Variants in MAP3K9 observed in about 807,000 individuals in gnomAD.
The protein encoded by MAP3K9 is mitogen-activated protein kinase kinase kinase 9, also known as mixed lineage kinase 1 (tyr and ser/thr specificity).
A neutral mutation model predicts 95.8 loss-of-function variants in MAP3K9; 46 were observed. The observed-to-expected ratio is 0.48, with a 90% CI of 0.38 to 0.61. The LOEUF (loss-of-function observed/expected upper bound fraction) is 0.61, where lower values mean the gene tolerates loss of function less well. Among genes scored for constraint, MAP3K9 ranks in the 20% least tolerant of loss-of-function variants. The pLI, the probability that MAP3K9 is intolerant of heterozygous loss-of-function variation, is 0.00. For synonymous variants in MAP3K9, 533 were observed against 593.8 expected, an observed-to-expected ratio of 0.90 and a Z score of 1.49; for missense variants, 1,296 against 1,474.3, an observed-to-expected ratio of 0.88 and a Z score of 1.98.
At chr14:70,794,648 C>T (rs986683286) in intron 2 of MAP3K9, among the ~76,000 whole-genome samples, 2 of 151,410 alleles carry the variant, frequency 1.3e-5, no homozygotes, top group African/African-American at 4.8e-5. Flanking sequence ...GTGTTTTTAC[C>T]CCTGTTTTTC....
intron 2 of MAP3K9, among the ~76,000 whole-genome samples, chr14:70,788,282 A>G (rs1485035854): frequency 2.0e-5 from 3 of 152,208 alleles, no homozygotes; most frequent in Non-Finnish European, 4.4e-5. Context: ...CCAAAAATAT[A>G]ATCACCAATT....
chr14:70,732,433 G>C (rs1024551483), intron 11 of MAP3K9, 106 bp downstream of exon 11: 6 of 1,445,596 alleles, frequency 4.2e-6, no homozygotes, highest in Non-Finnish European at 5.5e-6. Context: ...AGGAGGAATG[G>C]TGTTCACTCA....
chr14:70,724,139 CA>C lies in MAP3K9; in HGVS notation c.*6240del, dbSNP rs1443780506. ...ATGAAGTTCATTCACTTCTGGAATT[CA>C]AACATGTTCCAAAGAGGTTTAAGAG... On this transcript the variant is annotated 3_prime_UTR_variant, in exon 12 of 12. Transcript: ENST00000554752. 10 of 152,174 alleles carry C rather than the reference CA, an allele frequency of 6.6e-5. No homozygotes were observed. Among genetic ancestry groups the C allele is most frequent in the African/African-American group, 2.4e-4 (10 of 41,428 alleles). The allele number at this position is 152,174 out of a possible 1,614,324, so 9.4% of individuals were successfully genotyped here.
chr14:70,809,295 C>G lies in MAP3K9; in HGVS notation c.-124G>C. 1 of 1,197,670 alleles carries G rather than the reference C, an allele frequency of 8.3e-7. No individual in the cohort carries two copies. The highest frequency in any genetic ancestry group is 1.0e-6 in the Non-Finnish European group (1 of 953,302). The allele number at this position is 1,197,670 out of a possible 1,614,324, so 74.2% of individuals were successfully genotyped here. On this transcript the variant is annotated 5_prime_UTR_variant, in exon 1 of 12. Transcript: ENST00000554752. ...CAACGACGGCGGCCGCAGGTAGGGC[C>G]CGGGCTGGCAGGGCTGGGAGAGCCG...
intron 8 of MAP3K9, 122 bp downstream of exon 8, chr14:70,738,123 G>T: frequency 9.1e-7 from 1 of 1,099,758 alleles, no homozygotes; most frequent in Non-Finnish European, 1.3e-6. Context: ...AGATCAAGAA[G>T]CTTGTAATTT....
At chr14:70,781,631 G>C (rs961895399) in intron 2 of MAP3K9, among the ~76,000 whole-genome samples, 24 of 152,194 alleles carry the variant, frequency 1.6e-4, no homozygotes, top group African/African-American at 5.8e-4. Context: ...CTTTTACTGA[G>C]CATTTACTTT....
rs71105732 is a variant in MAP3K9 at position 70,764,449 on chromosome 14, TA to T, written c.821-3268del. ...AACAACAACAACAAAAAATGTATGT[TA>T]AAAAAAATAATGTAGGCTGATGTTT... On this transcript the variant is annotated intron_variant, in intron 2 of 11. Coordinates refer to ENST00000554752, the MANE Select transcript of MAP3K9 (RefSeq NM_001284230.2). Among the ~76,000 whole-genome samples the T allele has an allele frequency of 8.5e-3, 1,287 of 151,030 alleles. 27 individuals carry two copies. Among genetic ancestry groups the T allele is most frequent in the African/African-American group, 0.029 (1,202 of 41,166 alleles).
At position 70,809,291 on chromosome 14, in the gene MAP3K9, G is replaced by T; in HGVS notation, c.-120C>A. On this transcript the variant is annotated 5_prime_UTR_variant, in exon 1 of 12. Transcript: ENST00000554752. ...CCCCCAACGACGGCGGCCGCAGGTA[G>T]GGCCCGGGCTGGCAGGGCTGGGAGA... 8.3e-7 allele frequency: 1 copy of T among 1,206,660 alleles called. No homozygotes were observed. Among genetic ancestry groups the T allele is most frequent in the Non-Finnish European group, 1.0e-6 (1 of 961,964 alleles). 74.7% of individuals were successfully genotyped at this position (1,206,660 alleles called of 1,614,324 possible). A position where few individuals can be genotyped will look rare whatever the true frequency, so the allele number is the denominator to read the frequency against.
intron 2 of MAP3K9, among the ~76,000 whole-genome samples, chr14:70,780,197 C>T (rs1344790622): frequency 6.6e-6 from 1 of 152,246 alleles, no homozygotes; most frequent in Non-Finnish European, 1.5e-5. Context: ...CAGGCTTCCT[C>T]ATAATGTGCC....
rs527920890 is a variant in MAP3K9 at position 70,742,597 on chromosome 14, G to A, written c.1327-6C>T. On this transcript the variant is annotated splice_region_variant and splice_polypyrimidine_tract_variant and intron_variant, in intron 5 of 11. Coordinates refer to ENST00000554752, the MANE Select transcript of MAP3K9 (RefSeq NM_001284230.2). ...TCCTCCCAGGTGCGAAGTTCCTGCA[G>A]GATGGGCAGAACCATCAGAGAAAAG... 7.4e-6 allele frequency: 12 copies of A among 1,613,470 alleles called. No individual in the cohort carries two copies. In the African/African-American group the frequency reaches 1.2e-4, roughly 16 times the overall value.
In MAP3K9 at chr14:70,729,014, A is replaced by C. The variant is rs1441809542; in HGVS notation, c.*1366T>G. 6.6e-6 allele frequency: 1 copy of C among 152,302 alleles called. No individual in the cohort carries two copies. The highest frequency in any genetic ancestry group is 1.5e-5 in the Non-Finnish European group (1 of 68,078). 9.4% of individuals were successfully genotyped at this position (152,302 alleles called of 1,614,324 possible). ...ACGAGAAAGCTTTAGAGGAAGCTCA[A>C]CATTCAAGTTAAGGAAACAACTTCC... On this transcript the variant is annotated 3_prime_UTR_variant, in exon 12 of 12. Coordinates refer to ENST00000554752, the MANE Select transcript of MAP3K9 (RefSeq NM_001284230.2).
At chr14:70,780,906 CT>C (rs2054666800) in intron 2 of MAP3K9, among the ~76,000 whole-genome samples, 1 of 152,250 alleles carries the variant, frequency 6.6e-6, no homozygotes, top group Non-Finnish European at 1.5e-5. Context: ...GCAGTTCTTT[CT>C]TGGCAGGTGG....
At chr14:70,731,377 A>G (rs1351943457) in intron 11 of MAP3K9, among the ~76,000 whole-genome samples, 1 of 152,108 alleles carries the variant, frequency 6.6e-6, no homozygotes, top group Admixed American at 6.5e-5. Context: ...TGAGCCCAGG[A>G]GGTTGAGGCT....
At position 70,748,122 on chromosome 14, in the gene MAP3K9, G is replaced by A. The variant is rs1188608417; in HGVS notation, c.1326+707C>T. On this transcript the variant is annotated intron_variant, in intron 5 of 11. Transcript: ENST00000554752. ...ACTGTCTCAAAAAAAAAAAAAAAAT[G>A]GTAAAAGAAATTAACCAAATCTATA... is the stretch of plus-strand genomic sequence containing the variant. Among the ~76,000 whole-genome samples the A allele has an allele frequency of 3.8e-5, 2 of 52,438 alleles. 1 individual carries two copies. Among genetic ancestry groups the A allele is most frequent in the East Asian group, 1.0e-3 (2 of 1,952 alleles). The allele number at this position is 52,438 out of a possible 152,430, so 34.4% of individuals were successfully genotyped here. A position where few individuals can be genotyped will look rare whatever the true frequency, so the allele number is the denominator to read the frequency against.
At chr14:70,743,469 G>A (rs2054104034) in intron 5 of MAP3K9, among the ~76,000 whole-genome samples, 1 of 151,494 alleles carries the variant, frequency 6.6e-6, no homozygotes, top group South Asian at 2.1e-4. Context: ...TCTGACAAAG[G>A]GCTAATATCC....
chr14:70,741,939 C>T (rs1170197392), intron 6 of MAP3K9, among the ~76,000 whole-genome samples: 1 of 152,172 alleles, frequency 6.6e-6, no homozygotes. Flanking sequence ...AAAAGCAAAA[C>T]TCTGTCTCAA....
chr14:70,736,252 G>A (rs2053985430), intron 8 of MAP3K9, among the ~76,000 whole-genome samples: 1 of 152,212 alleles, frequency 6.6e-6, no homozygotes, highest in South Asian at 2.1e-4. Flanking sequence ...CACGGTTGCA[G>A]GGGGACTGTG....
chr14:70,806,888 T>C (rs1594818444), intron 1 of MAP3K9, among the ~76,000 whole-genome samples: 3 of 152,250 alleles, frequency 2.0e-5, no homozygotes, highest in African/African-American at 7.2e-5. Flanking sequence ...GCTATTCATA[T>C]TTCTTCCAAT....
intron 6 of MAP3K9, among the ~76,000 whole-genome samples, chr14:70,740,978 C>T (rs2054062165): frequency 6.6e-6 from 1 of 152,184 alleles, no homozygotes; most frequent in Non-Finnish European, 1.5e-5. Flanking sequence ...GGCTCATAAA[C>T]ATATTCACTC....
Sources: gnomAD v4.1 joint callset for allele counts (sites outside exome capture counted in the v4.1 genomes callset) on GRCh38, gnomAD v4.1.1 for gene constraint, MANE v1.5 for transcripts, NCBI Gene and HGNC (gene_info 2026-07-23, HGNC 2026-07-21) for gene names.